NREP: variants seen among roughly 807,000 people sequenced by gnomAD.
NREP encodes the protein neuronal regeneration related protein.
A neutral mutation model predicts 8.6 loss-of-function variants in NREP; 5 were observed. The ratio of observed to expected loss-of-function variants is 0.58; its 90% CI spans 0.30 to 1.22. NREP has a LOEUF of 1.22. Ranked by LOEUF, NREP falls within the 50% of genes most tolerant of loss-of-function variation. NREP has a pLI of 0.07. For synonymous variants in NREP, 27 were observed against 28.0 expected (o/e 0.96, Z 0.11); for missense variants, 86 against 82.5 (o/e 1.04, Z -0.17).
Position 111,903,197 on chromosome 5 carries a change from C to T in NREP, c.135+72077G>A, listed in dbSNP as rs147906105. On this transcript the variant is annotated intron_variant, in intron 2 of 3. Transcript: ENST00000395634. ...CTCCCGGGTTCAAATGATTCTTGTGCCTCAGCCTCCCAAAGTAGTTGGGAC... is the reference window on the plus strand; with the variant it reads ...CTCCCGGGTTCAAATGATTCTTGTGTCTCAGCCTCCCAAAGTAGTTGGGAC... Among the ~76,000 whole-genome samples, 387 of 150,608 alleles carry T rather than the reference C, an allele frequency of 2.6e-3. 3 individuals carry two copies. Among genetic ancestry groups the T allele is most frequent in the African/African-American group, 8.9e-3 (363 of 40,864 alleles).
intron 2 of NREP, among the ~76,000 whole-genome samples, chr5:111,917,004 C>T (rs1033828259): frequency 1.3e-5 from 2 of 152,050 alleles, no homozygotes; most frequent in African/African-American, 4.8e-5. Flanking sequence ...AAATGGGCAC[C>T]GTGGAGATCC....
intron 2 of NREP, among the ~76,000 whole-genome samples, chr5:111,765,021 C>T (rs1397230954): frequency 6.6e-6 from 1 of 152,266 alleles, no homozygotes; most frequent in South Asian, 2.1e-4. Context: ...AGGATCACAG[C>T]TCTAGTTAAT....
intron 2 of NREP, among the ~76,000 whole-genome samples, chr5:111,768,509 C>T (rs1180867532): frequency 6.6e-6 from 1 of 152,148 alleles, no homozygotes; most frequent in East Asian, 1.9e-4. Context: ...TCAACCCTTG[C>T]TCTCCTCTCT....
chr5:111,741,889 A>T (rs1749703036), intron 2 of NREP, among the ~76,000 whole-genome samples: 1 of 151,776 alleles, frequency 6.6e-6, no homozygotes, highest in Non-Finnish European at 1.5e-5. Context: ...AACAATGGGT[A>T]ATTACAGAGT....
At chr5:111,855,690 A>G (rs1004645317) in intron 2 of NREP, among the ~76,000 whole-genome samples, 8 of 152,138 alleles carry the variant, frequency 5.3e-5, no homozygotes, top group Non-Finnish European at 1.2e-4. Flanking sequence ...TGTTCTTGGA[A>G]GGGGCTGATT....
Position 111,748,610 on chromosome 5 carries a change from G to C in NREP, c.3+7160C>G, listed in dbSNP as rs538624485. ...CATTAGGAAATGTCAGTGAAGGTTAGAGTTTCCTTTCACTTTGTAGAAAGA... is the reference window on the plus strand; with the variant it reads ...CATTAGGAAATGTCAGTGAAGGTTACAGTTTCCTTTCACTTTGTAGAAAGA... On this transcript the variant is annotated intron_variant, in intron 2 of 3. Coordinates refer to ENST00000257435, the MANE Select transcript of NREP (RefSeq NM_004772.4). Among the ~76,000 whole-genome samples the C allele has an allele frequency of 3.9e-5, 6 of 152,256 alleles. No homozygotes were observed. The South Asian group carries it at 1.2e-3, about 32-fold the overall frequency.
intron 2 of NREP, among the ~76,000 whole-genome samples, chr5:111,971,195 A>G (rs1756806891): frequency 6.6e-6 from 1 of 152,220 alleles, no homozygotes; most frequent in African/African-American, 2.4e-5. Context: ...ATCAGACCTA[A>G]TAAAATTTGT....
intron 2 of NREP, among the ~76,000 whole-genome samples, chr5:111,961,676 A>G (rs531951329): frequency 4.1e-4 from 63 of 152,166 alleles, no homozygotes; most frequent in Non-Finnish European, 8.1e-4. Flanking sequence ...GTTCCTGCAT[A>G]TAATGTCTTC....
chr5:111,778,572 G>C (rs1751416681), intron 2 of NREP, among the ~76,000 whole-genome samples: 1 of 152,084 alleles, frequency 6.6e-6, no homozygotes, highest in Admixed American at 6.6e-5. Context: ...TTATTTAATT[G>C]TGATGTAGGC....
intron 2 of NREP, among the ~76,000 whole-genome samples, chr5:111,930,432 G>A (rs1395697214): frequency 6.6e-6 from 1 of 152,104 alleles, no homozygotes; most frequent in Non-Finnish European, 1.5e-5. Context: ...ACTGGATATT[G>A]TTAAAAATGT....
At chr5:111,964,512 G>T (rs1320872950) in intron 2 of NREP, among the ~76,000 whole-genome samples, 1 of 152,058 alleles carries the variant, frequency 6.6e-6, no homozygotes, top group Non-Finnish European at 1.5e-5. Context: ...GATTACAGGT[G>T]TGTGCCACCA....
At chr5:111,784,290 G>A (rs559265577) in intron 2 of NREP, among the ~76,000 whole-genome samples, 91 of 152,272 alleles carry the variant, frequency 6.0e-4, no homozygotes, top group African/African-American at 2.1e-3. Flanking sequence ...CCAGAATTCT[G>A]TGGGTATGCC....
At chr5:111,882,450 C>G (rs572263952) in intron 2 of NREP, among the ~76,000 whole-genome samples, 2 of 152,082 alleles carry the variant, frequency 1.3e-5, no homozygotes, top group African/African-American at 4.8e-5. Context: ...GCAAGGCAGG[C>G]GACCATTTGG....
intron 2 of NREP, among the ~76,000 whole-genome samples, chr5:111,878,218 A>G (rs2112508332): frequency 6.6e-6 from 1 of 152,300 alleles, no homozygotes; most frequent in Middle Eastern, 3.4e-3. Context: ...CATATAATAG[A>G]TGTACTAGTT....
chr5:111,957,881 A>G (rs1412680054), intron 2 of NREP, among the ~76,000 whole-genome samples: 1 of 151,966 alleles, frequency 6.6e-6, no homozygotes, highest in Non-Finnish European at 1.5e-5. Flanking sequence ...AAGGACAAGA[A>G]ATATACATTT....
intron 2 of NREP, among the ~76,000 whole-genome samples, chr5:111,945,111 C>T (rs371792676): frequency 5.9e-5 from 9 of 152,058 alleles, no homozygotes; most frequent in South Asian, 2.1e-4. Context: ...CCCCTCTTCA[C>T]GCACTCACTT....
chr5:111,931,460 G>A (rs1431522521), intron 2 of NREP, among the ~76,000 whole-genome samples: 1 of 152,094 alleles, frequency 6.6e-6, no homozygotes, highest in African/African-American at 2.4e-5. Context: ...CCAATCGATA[G>A]TAGGTCAGTC....
chr5:111,784,314 G>A (rs1751560159), intron 2 of NREP, among the ~76,000 whole-genome samples: 1 of 151,980 alleles, frequency 6.6e-6, no homozygotes, highest in Admixed American at 6.6e-5. Flanking sequence ...GTAGATGCAA[G>A]GAAAGCTGGG....
chr5:111,856,019 C>A (rs2112474815), intron 2 of NREP, among the ~76,000 whole-genome samples: 1 of 152,270 alleles, frequency 6.6e-6, no homozygotes, highest in South Asian at 2.1e-4. Flanking sequence ...GGTTAACTTG[C>A]TGGGCACCAG....
Sources: gnomAD v4.1 joint callset for allele counts (sites outside exome capture counted in the v4.1 genomes callset) on GRCh38, gnomAD v4.1.1 for gene constraint, MANE v1.5 for transcripts, NCBI Gene and HGNC (gene_info 2026-07-23, HGNC 2026-07-21) for gene names.